IMMP2L: variants seen among roughly 807,000 people sequenced by gnomAD.
IMMP2L encodes mitochondrial inner membrane protease subunit 2.
A neutral mutation model predicts 19.3 loss-of-function variants in IMMP2L; 18 were observed. That is an observed-to-expected ratio of 0.93 (90% confidence interval 0.64 to 1.38). The LOEUF is 1.38. Among genes scored for constraint, IMMP2L ranks in the 40% most tolerant of loss-of-function variants. The pLI is 0.00. For missense variants in IMMP2L, 233 were observed against 218.2 expected (o/e 1.07, Z -0.43); for synonymous variants, 76 against 73.0 (o/e 1.04, Z -0.21).
chr7:111,048,419 C>G (rs148063771), intron 3 of IMMP2L, among the ~76,000 whole-genome samples: 2 of 152,198 alleles, frequency 1.3e-5, no homozygotes, highest in African/African-American at 4.8e-5. Flanking sequence ...TACAATCCTT[C>G]TGGAACTGAT....
chr7:110,798,619 C>T (rs895957044), intron 5 of IMMP2L, among the ~76,000 whole-genome samples: 23 of 151,828 alleles, frequency 1.5e-4, no homozygotes, highest in African/African-American at 4.8e-4. Flanking sequence ...GAGATTAATG[C>T]TAGAAAACTA....
chr7:111,221,214 G>C (rs1812475229), intron 3 of IMMP2L, among the ~76,000 whole-genome samples: 1 of 151,850 alleles, frequency 6.6e-6, no homozygotes, highest in Non-Finnish European at 1.5e-5. Flanking sequence ...TAAAATTTTA[G>C]TCACATTACC....
chr7:111,370,548 T>G (rs914777043), intron 3 of IMMP2L, among the ~76,000 whole-genome samples: 1 of 151,998 alleles, frequency 6.6e-6, no homozygotes, highest in Non-Finnish European at 1.5e-5. Flanking sequence ...GCAGTTGACA[T>G]AGACGTTAAA....
intron 5 of IMMP2L, among the ~76,000 whole-genome samples, chr7:110,763,958 AC>A (rs1798504050): frequency 1.3e-5 from 2 of 152,084 alleles, no homozygotes; most frequent in African/African-American, 4.8e-5. Flanking sequence ...AGGACAGTAA[AC>A]TTCAGCCCAG....
intron 5 of IMMP2L, among the ~76,000 whole-genome samples, chr7:110,825,417 T>C (rs867699145): frequency 3.3e-5 from 5 of 152,222 alleles, no homozygotes; most frequent in Admixed American, 6.5e-5. Flanking sequence ...GGAGGCATCA[T>C]GCTACCTGAC....
At chr7:110,712,779 G>GC (rs1444058362) in intron 5 of IMMP2L, among the ~76,000 whole-genome samples, 3 of 110,204 alleles carry the variant, frequency 2.7e-5, no homozygotes, top group African/African-American at 1.1e-4. Flanking sequence ...TTTTCCAGGT[G>GC]CGTCCGTCAC....
intron 4 of IMMP2L, among the ~76,000 whole-genome samples, chr7:110,956,113 G>A (rs969819678): frequency 1.3e-5 from 2 of 151,974 alleles, no homozygotes; most frequent in Non-Finnish European, 2.9e-5. Context: ...AACAGGCTTT[G>A]AAATGTTCAA....
intron 3 of IMMP2L, chr7:111,124,873 A>G (rs1262872925): frequency 1.9e-6 from 3 of 1,603,858 alleles, no homozygotes; most frequent in South Asian, 2.2e-5. Flanking sequence ...AGCAACTGTT[A>G]TAGGTTTACC....
At chr7:111,096,230 T>A (rs1347610557) in intron 3 of IMMP2L, among the ~76,000 whole-genome samples, 1 of 151,780 alleles carries the variant, frequency 6.6e-6, no homozygotes, top group East Asian at 1.9e-4. Flanking sequence ...GACAGGAGAA[T>A]GAGGTTCTGT....
chr7:110,680,382 C>G (rs537851009), intron 5 of IMMP2L, among the ~76,000 whole-genome samples: 2 of 152,194 alleles, frequency 1.3e-5, no homozygotes, highest in African/African-American at 4.8e-5. Flanking sequence ...CCTGTCTCCT[C>G]ACCCTAGAAT....
intron 3 of IMMP2L, among the ~76,000 whole-genome samples, chr7:111,443,953 C>T (rs1291884047): frequency 6.6e-6 from 1 of 152,016 alleles, no homozygotes; most frequent in Non-Finnish European, 1.5e-5. Context: ...TGCATCTTCA[C>T]AGGGTATATA....
chr7:111,422,934 T>C (rs925947041), intron 3 of IMMP2L, among the ~76,000 whole-genome samples: 5 of 151,900 alleles, frequency 3.3e-5, no homozygotes, highest in Non-Finnish European at 7.4e-5. Context: ...TGAAGGGGTG[T>C]TGAATTTTGT....
chr7:111,257,801 A>G (rs1033682300), intron 3 of IMMP2L, among the ~76,000 whole-genome samples: 73 of 152,042 alleles, frequency 4.8e-4, no homozygotes, highest in African/African-American at 1.6e-3. Flanking sequence ...TAATTACTAT[A>G]CTTTAAGTTC....
intron 1 of IMMP2L, among the ~76,000 whole-genome samples, chr7:111,553,104 G>A (rs1487795311): frequency 2.0e-5 from 3 of 152,104 alleles, no homozygotes; most frequent in South Asian, 2.1e-4. Flanking sequence ...GCAACCATGA[G>A]ATAACAAACA....
At chr7:110,934,695 T>C (rs1815879552) in intron 4 of IMMP2L, among the ~76,000 whole-genome samples, 1 of 152,228 alleles carries the variant, frequency 6.6e-6, no homozygotes, top group Non-Finnish European at 1.5e-5. Flanking sequence ...ATTGCATGCA[T>C]ATAAATTTAG....
At chr7:111,459,620 T>C (rs1436507848) in intron 3 of IMMP2L, among the ~76,000 whole-genome samples, 1 of 152,184 alleles carries the variant, frequency 6.6e-6, no homozygotes, top group East Asian at 1.9e-4. Flanking sequence ...TGGTATGTGA[T>C]ACTTCTAGTC....
At chr7:111,530,100 T>A (rs1159324169) in intron 1 of IMMP2L, among the ~76,000 whole-genome samples, 1 of 152,166 alleles carries the variant, frequency 6.6e-6, no homozygotes, top group Non-Finnish European at 1.5e-5. Context: ...GGGCTTTGAA[T>A]CCAAGACCTC....
intron 5 of IMMP2L, among the ~76,000 whole-genome samples, chr7:110,767,276 A>G (rs1798734208): frequency 6.6e-6 from 1 of 152,164 alleles, no homozygotes; most frequent in African/African-American, 2.4e-5. Flanking sequence ...ACACAAGCAA[A>G]CAGAACCAGA....
chr7:110,765,455 G>A (rs1202235186), intron 5 of IMMP2L, among the ~76,000 whole-genome samples: 1 of 152,006 alleles, frequency 6.6e-6, no homozygotes, highest in Non-Finnish European at 1.5e-5. Context: ...CATATTGGGG[G>A]GACACAGTAT....
Sources: allele counts gnomAD v4.1 joint callset (sites outside exome capture counted in the v4.1 genomes callset), GRCh38; gene constraint gnomAD v4.1.1; transcripts MANE v1.5; gene names NCBI Gene and HGNC (gene_info 2026-07-23, HGNC 2026-07-21).